Variants in ABCC4 observed in about 807,000 individuals in gnomAD.
The protein encoded by ABCC4 is ATP-binding cassette sub-family C member 4.
A neutral mutation model predicts 168.5 loss-of-function variants in ABCC4; 102 were observed. The observed-to-expected ratio is 0.61, with a 90% CI of 0.52 to 0.71. ABCC4 has a LOEUF of 0.71. Among genes scored for constraint, ABCC4 ranks in the 30% least tolerant of loss-of-function variants. The pLI is 0.00. For missense variants in ABCC4, 1,402 were observed against 1,605.8 expected, an observed-to-expected ratio of 0.87 and a Z score of 2.17; for synonymous variants, 617 against 590.7, an observed-to-expected ratio of 1.04 and a Z score of -0.65.
rs770411207 is a variant in ABCC4, at chr13:95,034,684, T to G, written c.3791A>C (p.Asn1264Thr). The G allele has an allele frequency of 3.7e-6, 6 of 1,614,246 alleles. No homozygotes were observed. The highest frequency in any genetic ancestry group is 5.1e-6 in the Non-Finnish European group (6 of 1,180,048). Residue 1264 changes from asparagine to threonine, a missense_variant, in exon 30 of 31, where the codon AAT (asparagine) becomes ACT (threonine). Physicochemically the swap from Asn to Thr is moderately conservative, Grantham distance 65. Around this residue, in one of 3 missense-constraint regions of ABCC4, gnomAD observed 1,007 missense variants for 1,127.3 expected, o/e 0.89. Coordinates refer to ENST00000645237, the MANE Select transcript of ABCC4 (RefSeq NM_005845.5). ...CATCTTGTAAAATAGGCTCTCTTTA[T>G]TTTGCAGCAAAACATACGGCTCATC... ...EYDEPYVLLQ[N>T]KESLFYKMVQ...
In ABCC4 at chr13:95,092,994, A is replaced by G. The variant is rs9590180; in HGVS notation, c.2536-9704T>C. 9.5e-3 allele frequency among the ~76,000 whole-genome samples: 1,445 copies of G among 152,294 alleles called. 15 individuals are homozygous for G. The highest frequency in any genetic ancestry group is 0.03 in the African/African-American group (1,262 of 41,566). ...ACAACCCTCCTAGCTTAAATCAGGA[A>G]GAATTAGATACCCTGAACAGACCAA... On this transcript the variant is annotated intron_variant, in intron 20 of 30. Transcript: ENST00000645237.
rs71207571 is a variant in ABCC4, at chr13:95,029,988, T to TATCCATCCATCCATCC, written c.3870+4601_3870+4616dup. Among the ~76,000 whole-genome samples the TATCCATCCATCCATCC allele has an allele frequency of 2.1e-3, 304 of 146,440 alleles. 2 individuals carry two copies. Among genetic ancestry groups the TATCCATCCATCCATCC allele is most frequent in the Admixed American group, 3.9e-3 (56 of 14,530 alleles). On this transcript the variant is annotated intron_variant, in intron 30 of 30. Transcript: ENST00000645237. ...AGGATGTCAGGACTTCTTGTCTATC[T>TATCCATCCATCCATCC]ATCCATCCATCCATCCATCCATCCA...
chr13:95,041,406 T>A (rs1221754302), intron 29 of ABCC4, among the ~76,000 whole-genome samples: 3 of 152,240 alleles, frequency 2.0e-5, no homozygotes, highest in African/African-American at 7.2e-5. Context: ...TAAACAAAAC[T>A]ATATCTATCC....
chr13:95,172,918 A>T (rs897216624), intron 13 of ABCC4, among the ~76,000 whole-genome samples: 2 of 152,180 alleles, frequency 1.3e-5, no homozygotes, highest in Non-Finnish European at 2.9e-5. Flanking sequence ...AACTCTGTCA[A>T]AAAAGGAAGG....
At chr13:95,031,838 C>T (rs2031892072) in intron 30 of ABCC4, among the ~76,000 whole-genome samples, 1 of 152,192 alleles carries the variant, frequency 6.6e-6, no homozygotes, top group Admixed American at 6.5e-5. Flanking sequence ...TTAGTTGGAA[C>T]ATGCTAAAAT....
At position 95,156,379 on chromosome 13, in the gene ABCC4, G is replaced by A. The variant is rs537972470; in HGVS notation, c.2455+4810C>T. On this transcript the variant is annotated intron_variant, in intron 19 of 30. Coordinates refer to ENST00000645237, the MANE Select transcript of ABCC4 (RefSeq NM_005845.5). ...TGAGGTGCTCTTACATTATATCACT[G>A]AAATACTGCAGATCATGCTGCCCTC... Among the ~76,000 whole-genome samples, 23 of 152,312 alleles carry A rather than the reference G, an allele frequency of 1.5e-4. No homozygotes were observed. The South Asian group carries it at 3.3e-3, about 22-fold the overall frequency.
At chr13:95,117,262 A>AG (rs1283607657) in intron 19 of ABCC4, among the ~76,000 whole-genome samples, 1 of 152,124 alleles carries the variant, frequency 6.6e-6, no homozygotes, top group East Asian at 1.9e-4. Context: ...TGTTAAAAAA[A>AG]AAAAAAAAAA....
At chr13:95,235,825 G>A (rs2039751148) in intron 3 of ABCC4, among the ~76,000 whole-genome samples, 1 of 152,146 alleles carries the variant, frequency 6.6e-6, no homozygotes, top group African/African-American at 2.4e-5. Flanking sequence ...TGCCACTTTG[G>A]CTCAGGTAGT....
At chr13:95,182,843 T>C (rs2037940709) in intron 11 of ABCC4, among the ~76,000 whole-genome samples, 1 of 152,180 alleles carries the variant, frequency 6.6e-6, no homozygotes, top group South Asian at 2.1e-4. Context: ...CATTAGTATG[T>C]TGTTTCCTGA....
At chr13:95,095,831 G>C in intron 20 of ABCC4, 1 of 263,606 alleles carries the variant, frequency 3.8e-6, no homozygotes, top group Non-Finnish European at 7.1e-6. Context: ...ATAAGCATTA[G>C]TACAGAAGGA....
chr13:95,268,529 G>T (rs887249255), intron 1 of ABCC4, among the ~76,000 whole-genome samples: 6 of 62,594 alleles, frequency 9.6e-5, no homozygotes, highest in Admixed American at 6.9e-4. Context: ...TCGTCCCTTG[G>T]CCCTTGGCAA....
chr13:95,296,917 A>C (rs1271653776), intron 1 of ABCC4, among the ~76,000 whole-genome samples: 1 of 152,180 alleles, frequency 6.6e-6, no homozygotes, highest in Non-Finnish European at 1.5e-5. Flanking sequence ...GGACTATCTC[A>C]TATCAAATAC....
intron 11 of ABCC4, among the ~76,000 whole-genome samples, chr13:95,184,517 T>C (rs1284435576): frequency 2.0e-5 from 3 of 152,204 alleles, no homozygotes; most frequent in Admixed American, 6.5e-5. Flanking sequence ...TGAGTCATTT[T>C]ATCTCTCCAA....
intron 4 of ABCC4, among the ~76,000 whole-genome samples, chr13:95,212,365 T>C (rs1443152030): frequency 6.6e-6 from 1 of 152,126 alleles, no homozygotes; most frequent in Non-Finnish European, 1.5e-5. Context: ...ATAAAGCCAG[T>C]CTTACATACA....
At chr13:95,225,079 C>G (rs773216043) in intron 4 of ABCC4, among the ~76,000 whole-genome samples, 1 of 151,482 alleles carries the variant, frequency 6.6e-6, no homozygotes, top group Non-Finnish European at 1.5e-5. Context: ...CTCTCATAAC[C>G]GGAGATTTTA....
chr13:95,229,764 T>C (rs761823548), intron 4 of ABCC4, among the ~76,000 whole-genome samples: 11 of 152,248 alleles, frequency 7.2e-5, no homozygotes, highest in Non-Finnish European at 1.2e-4. Flanking sequence ...AGATCTATCC[T>C]GGCCCTAAGT....
chr13:95,150,206 C>T (rs2036628449), intron 19 of ABCC4, among the ~76,000 whole-genome samples: 1 of 152,084 alleles, frequency 6.6e-6, no homozygotes, highest in South Asian at 2.1e-4. Context: ...TCAAGCGATC[C>T]TCCTGCCTGA....
chr13:95,056,885 G>A (rs1444956512), intron 26 of ABCC4, among the ~76,000 whole-genome samples: 3 of 152,214 alleles, frequency 2.0e-5, no homozygotes, highest in Non-Finnish European at 4.4e-5. Flanking sequence ...GATTATAGCT[G>A]TTGATGTATG....
At chr13:95,183,548 C>T (rs1330063013) in intron 11 of ABCC4, among the ~76,000 whole-genome samples, 1 of 152,188 alleles carries the variant, frequency 6.6e-6, no homozygotes, top group Non-Finnish European at 1.5e-5. Flanking sequence ...TGGAAACCAT[C>T]TCATCCCATG....
Sources: gnomAD v4.1 joint callset for allele counts (sites outside exome capture counted in the v4.1 genomes callset) on GRCh38, gnomAD v4.1.1 for gene constraint, gnomAD v4.1.1 regional missense constraint, MANE v1.5 for transcripts, NCBI Gene and HGNC (gene_info 2026-07-23, HGNC 2026-07-21) for gene names.